Variants in GRID2 observed in about 807,000 individuals in gnomAD.
GRID2 encodes the protein glutamate ionotropic receptor delta type subunit 2, also known as glutamate receptor ionotropic, delta-2.
Under a neutral mutation model 114.8 loss-of-function variants are expected in GRID2, and 33 were observed. That is an observed-to-expected ratio of 0.29 (90% CI 0.22 to 0.38). The LOEUF is 0.38. Among genes scored for constraint, GRID2 ranks in the 10% least tolerant of loss-of-function variants. The pLI is 1.00. For synonymous variants in GRID2, 505 were observed against 449.9 expected (o/e 1.12, Z -1.55); for missense variants, 1,184 against 1,257.7 (o/e 0.94, Z 0.89).
chr4:92,942,331 C>G (rs1751218624), intron 2 of GRID2, among the ~76,000 whole-genome samples: 1 of 152,152 alleles, frequency 6.6e-6, no homozygotes, highest in African/African-American at 2.4e-5. Context: ...TAATGGCCTT[C>G]TTTGTCTCTT....
intron 2 of GRID2, among the ~76,000 whole-genome samples, chr4:92,943,513 C>T (rs1411945551): frequency 1.3e-5 from 2 of 152,006 alleles, no homozygotes; most frequent in Non-Finnish European, 2.9e-5. Flanking sequence ...ACTTCTTTGC[C>T]ATGGGTTCGA....
In GRID2 at chr4:93,509,897, C is replaced by G. The variant is rs1354148540; in HGVS notation, c.1998-5319C>G. Among the ~76,000 whole-genome samples the G allele has an allele frequency of 4.6e-5, 7 of 152,292 alleles. No individual in the cohort carries two copies. In the South Asian group the frequency reaches 8.3e-4, roughly 18 times the overall value. On this transcript the variant is annotated intron_variant, in intron 12 of 15. Transcript: ENST00000282020. ...TGTCACCGCACTTCATAGGACAGCT[C>G]TCAGCTGCTACAACCAATGGACAGG...
intron 2 of GRID2, among the ~76,000 whole-genome samples, chr4:92,935,784 G>A (rs908618212): frequency 7.1e-6 from 1 of 141,246 alleles, no homozygotes; most frequent in Non-Finnish European, 1.5e-5. Context: ...CTATCGCAAG[G>A]ACAAAAAACC....
intron 1 of GRID2, among the ~76,000 whole-genome samples, chr4:92,542,594 C>T (rs1726025630): frequency 6.6e-6 from 1 of 151,064 alleles, no homozygotes; most frequent in African/African-American, 2.4e-5. Flanking sequence ...AGATGCAGAG[C>T]ATAAGAATGA....
chr4:92,382,539 C>T (rs1729669605), intron 1 of GRID2, among the ~76,000 whole-genome samples: 2 of 151,866 alleles, frequency 1.3e-5, no homozygotes, highest in Admixed American at 1.3e-4. Context: ...AGTAAATTTG[C>T]ACTTAAGTTT....
chr4:93,059,546 C>A (rs1475194678), intron 2 of GRID2, among the ~76,000 whole-genome samples: 1 of 151,994 alleles, frequency 6.6e-6, no homozygotes, highest in African/African-American at 2.4e-5. Flanking sequence ...TAGTTAAGAG[C>A]CACTGGACTA....
intron 8 of GRID2, among the ~76,000 whole-genome samples, chr4:93,364,068 C>G (rs1319438115): frequency 2.0e-5 from 3 of 151,918 alleles, no homozygotes; most frequent in African/African-American, 7.2e-5. Flanking sequence ...TTTCCTATTG[C>G]TTTTTCTCAT....
At chr4:93,294,143 G>A (rs1204397128) in intron 8 of GRID2, among the ~76,000 whole-genome samples, 1 of 152,150 alleles carries the variant, frequency 6.6e-6, no homozygotes, top group Non-Finnish European at 1.5e-5. Flanking sequence ...ACTAGGACAT[G>A]GGTGAAGTGA....
chr4:93,505,704 T>C (rs958176431), intron 12 of GRID2, among the ~76,000 whole-genome samples: 1 of 149,894 alleles, frequency 6.7e-6, no homozygotes, highest in African/African-American at 2.4e-5. Context: ...TATTTATTAT[T>C]AAATATTAAT....
chr4:93,026,865 T>G (rs574279729), intron 2 of GRID2, among the ~76,000 whole-genome samples: 1 of 152,072 alleles, frequency 6.6e-6, no homozygotes, highest in Non-Finnish European at 1.5e-5. Flanking sequence ...ACCTGCTTAC[T>G]TTTTAAAAAT....
At chr4:93,268,821 C>T (rs895228136) in intron 8 of GRID2, among the ~76,000 whole-genome samples, 2 of 152,060 alleles carry the variant, frequency 1.3e-5, no homozygotes, top group African/African-American at 2.4e-5. Flanking sequence ...TCTATCTTCT[C>T]GGAGAGCTGA....
intron 1 of GRID2, among the ~76,000 whole-genome samples, chr4:92,447,398 A>G (rs906998759): frequency 6.6e-6 from 1 of 152,182 alleles, no homozygotes; most frequent in African/African-American, 2.4e-5. Flanking sequence ...GTGTGCATCT[A>G]TGTAAGTGAA....
chr4:92,745,870 A>G (rs1359166315), intron 2 of GRID2, among the ~76,000 whole-genome samples: 1 of 152,180 alleles, frequency 6.6e-6, no homozygotes, highest in Non-Finnish European at 1.5e-5. Flanking sequence ...GATATAAAAG[A>G]AAAAGAAGCA....
chr4:93,237,484 A>G (rs1224644369), intron 7 of GRID2, among the ~76,000 whole-genome samples: 1 of 151,934 alleles, frequency 6.6e-6, no homozygotes, highest in Non-Finnish European at 1.5e-5. Flanking sequence ...ATATTTAAAT[A>G]TCAACATCTT....
chr4:93,752,218 A>G (rs1368134923), intron 14 of GRID2, among the ~76,000 whole-genome samples: 2 of 152,148 alleles, frequency 1.3e-5, no homozygotes, highest in Non-Finnish European at 2.9e-5. Context: ...TGCATATACA[A>G]TACAATTTAA....
intron 2 of GRID2, among the ~76,000 whole-genome samples, chr4:92,722,353 A>G (rs557826239): frequency 1.3e-5 from 2 of 152,272 alleles, no homozygotes; most frequent in African/African-American, 2.4e-5. Context: ...GAGCCCAGAG[A>G]AAAGCAGAGT....
At chr4:92,485,781 G>A (rs1722857589) in intron 1 of GRID2, among the ~76,000 whole-genome samples, 1 of 152,076 alleles carries the variant, frequency 6.6e-6, no homozygotes, top group South Asian at 2.1e-4. Flanking sequence ...TTCAGACTTT[G>A]CATATGTCAG....
At chr4:92,788,572 C>A (rs1208382078) in intron 2 of GRID2, among the ~76,000 whole-genome samples, 1 of 151,802 alleles carries the variant, frequency 6.6e-6, no homozygotes, top group Non-Finnish European at 1.5e-5. Flanking sequence ...TGAAAGCATT[C>A]TCATGGATCC....
At position 92,544,106 on chromosome 4, in the gene GRID2, A is replaced by G. The variant is rs537702194; in HGVS notation, c.89-46025A>G. ...TCTACTCATGCTTAGTGGCTGGCAG[A>G]ATTCAGAGGTGATAAATATCTGCAA... On this transcript the variant is annotated intron_variant, in intron 1 of 15. Transcript: ENST00000282020. Among the ~76,000 whole-genome samples the G allele has an allele frequency of 3.3e-5, 5 of 152,270 alleles. No individual in the cohort carries two copies. In the South Asian group the frequency reaches 1.0e-3, roughly 32 times the overall value.
Sources: gnomAD v4.1 joint callset for allele counts (sites outside exome capture counted in the v4.1 genomes callset) on GRCh38, gnomAD v4.1.1 for gene constraint, MANE v1.5 for transcripts, NCBI Gene and HGNC (gene_info 2026-07-23, HGNC 2026-07-21) for gene names.